The following FBLIM1 variants were observed in gnomAD, a reference collection of about 807,000 sequenced individuals.
FBLIM1 encodes the protein filamin-binding LIM protein 1.
FBLIM1 carries 29 observed loss-of-function variants against 37.4 expected under a neutral mutation model. The observed-to-expected ratio is 0.77, with a 90% CI of 0.58 to 1.06. FBLIM1 has a LOEUF of 1.06. Among genes scored for constraint, FBLIM1 ranks in the 50% least tolerant of loss-of-function variants. The probability of loss-of-function intolerance (pLI) is 0.00; values close to 1 mark genes in which losing one functional copy is unlikely to be tolerated. For synonymous variants in FBLIM1, 193 were observed against 199.0 expected, an observed-to-expected ratio of 0.97 and a Z score of 0.25; for missense variants, 449 against 505.6, an observed-to-expected ratio of 0.89 and a Z score of 1.07.
chr1:15,777,385 T>C, intron 8 of FBLIM1, 98 bp downstream of exon 8: 1 of 723,458 alleles, frequency 1.4e-6, no homozygotes, highest in Non-Finnish European at 2.3e-6. Context: ...GTGGGGGCTG[T>C]ACTCTCAAAT....
intron 4 of FBLIM1, 81 bp from the exon 5 acceptor site, chr1:15,768,447 C>A (rs560709465): frequency 7.4e-5 from 71 of 957,824 alleles, no homozygotes; most frequent in Non-Finnish European, 1.0e-4. Context: ...CTAATTGTAC[C>A]TGTTACCACC....
chr1:15,764,758 C>A, intron 2 of FBLIM1, 73 bp downstream of exon 2: 1 of 626,096 alleles, frequency 1.6e-6, no homozygotes, highest in Non-Finnish European at 2.7e-6. Flanking sequence ...GGGTCTCACC[C>A]CTGTGGCCAA....
rs2069042439 is a variant in FBLIM1 at position 15,768,588 on chromosome 1, C to T, written c.499C>T (p.Pro167Ser). The change falls in exon 5 of 9, where the codon CCA becomes TCA. Residue 167 changes from proline to serine, a missense_variant. Coordinates refer to ENST00000375766, the MANE Select transcript of FBLIM1 (RefSeq NM_017556.4). ...GPLRPMEEELPPPPAEPVEKG... is the reference protein window; with the variant it reads ...GPLRPMEEELSPPPAEPVEKG... ...CCTCAGGCCCATGGAGGAAGAGCTG[C>T]CACCTCCCCCGGCAGAACCTGTTGA... 6.2e-7 allele frequency: 1 copy of T among 1,612,100 alleles called. No individual in the cohort carries two copies. Among genetic ancestry groups the T allele is most frequent in the Non-Finnish European group, 8.5e-7 (1 of 1,179,562 alleles).
chr1:15,769,251 T>C (rs1424791609), intron 5 of FBLIM1, among the ~76,000 whole-genome samples: 2 of 151,500 alleles, frequency 1.3e-5, no homozygotes, highest in East Asian at 3.9e-4. Context: ...CTGAGGCAGG[T>C]GGATCACCTG....
intron 1 of FBLIM1, among the ~76,000 whole-genome samples, chr1:15,760,635 G>C (rs1350531453): frequency 6.6e-6 from 1 of 151,416 alleles, no homozygotes; most frequent in African/African-American, 2.4e-5. Flanking sequence ...GGAGGACTGT[G>C]GGGGTGACCC....
Position 15,765,054 on chromosome 1 carries a change from T to C in FBLIM1, c.71T>C (p.Val24Ala). Residue 24 changes from valine to alanine, a missense_variant, in exon 3 of 9, where the codon GTG becomes GCG. Transcript: ENST00000375766. This position sits in a 1 kb window ranked among gnomAD's most constrained non-coding sequence, Gnocchi z 5.9. The stretch of plus-strand genomic sequence containing the variant: ...ACCCTGGCACCCCCGCGCCGCGATG[T>C]GGCCGTGGCGGAGGAAGTGAGGCAG... ...FITLAPPRRD[V>A]AVAEEVRQAV... 2 of 1,614,088 alleles carry C rather than the reference T, an allele frequency of 1.2e-6. No homozygotes were observed. The highest frequency in any genetic ancestry group is 1.7e-6 in the Non-Finnish European group (2 of 1,179,986).
chr1:15,777,676 A>C (rs2069533693), intron 8 of FBLIM1, among the ~76,000 whole-genome samples: 1 of 150,058 alleles, frequency 6.7e-6, no homozygotes, highest in African/African-American at 2.5e-5. Context: ...AGGGTTCAGC[A>C]ATTCTCCTGC....
chr1:15,760,494 C>T (rs1414592651), intron 1 of FBLIM1, among the ~76,000 whole-genome samples: 3 of 142,754 alleles, frequency 2.1e-5, no homozygotes, highest in Non-Finnish European at 4.5e-5. Context: ...TGCGCCACTG[C>T]ACTCCAGCCT....
intron 8 of FBLIM1, 78 bp downstream of exon 8, chr1:15,777,365 A>G (rs1417789899): frequency 3.8e-6 from 4 of 1,052,332 alleles, no homozygotes; most frequent in Middle Eastern, 4.2e-4. Context: ...GGACATGGGG[A>G]CAGGTCAGGG....
At chr1:15,766,573 A>C (rs2068933827) in intron 3 of FBLIM1, among the ~76,000 whole-genome samples, 1 of 151,778 alleles carries the variant, frequency 6.6e-6, no homozygotes, top group Non-Finnish European at 1.5e-5. Flanking sequence ...CTGGGATTAC[A>C]GGCGTGAGCC....
At chr1:15,773,850 ATG>A (rs2148606379) in intron 6 of FBLIM1, among the ~76,000 whole-genome samples, 1 of 151,952 alleles carries the variant, frequency 6.6e-6, no homozygotes, top group South Asian at 2.1e-4. Context: ...ACTACCCAAA[ATG>A]TGTGAGGAAG....
At chr1:15,783,147 C>G (rs2069686210) in intron 8 of FBLIM1, among the ~76,000 whole-genome samples, 1 of 152,144 alleles carries the variant, frequency 6.6e-6, no homozygotes, top group Non-Finnish European at 1.5e-5. Context: ...GTGCCCAGAA[C>G]CAAGTCTCTG....
At position 15,784,913 on chromosome 1, in the gene FBLIM1, C is replaced by T. The variant is rs1018737633; in HGVS notation, c.*252C>T. ...CCAGAATTCCCTGCTGACCCTGCCC[C>T]ACTTCCAGGGAAAAGCTGGGGGAGG... On this transcript the variant is annotated 3_prime_UTR_variant, in exon 9 of 9. Coordinates refer to ENST00000375766, the MANE Select transcript of FBLIM1 (RefSeq NM_017556.4). 2.9e-5 allele frequency: 11 copies of T among 378,740 alleles called. No homozygotes were observed. The highest frequency in any genetic ancestry group is 2.0e-4 in the African/African-American group (10 of 49,962). 23.5% of individuals were successfully genotyped at this position (378,740 alleles called of 1,614,324 possible). A position where few individuals can be genotyped will look rare whatever the true frequency, so the allele number is the denominator to read the frequency against.
chr1:15,768,589 C>A lies in FBLIM1; in HGVS notation c.500C>A (p.Pro167Gln). ...GPLRPMEEEL[P>Q]PPPAEPVEKG... Reference sequence around the variant, plus strand: ...CTCAGGCCCATGGAGGAAGAGCTGCCACCTCCCCCGGCAGAACCTGTTGAG... The same window carrying A: ...CTCAGGCCCATGGAGGAAGAGCTGCAACCTCCCCCGGCAGAACCTGTTGAG... The change falls in exon 5 of 9, where the codon CCA becomes CAA. Residue 167 changes from proline to glutamine, a missense_variant. Transcript: ENST00000375766. The A allele has an allele frequency of 1.2e-6, 2 of 1,612,278 alleles. No individual in the cohort carries two copies. The highest frequency in any genetic ancestry group is 1.7e-6 in the Non-Finnish European group (2 of 1,179,606).
At chr1:15,783,287 G>A (rs978746481) in intron 8 of FBLIM1, among the ~76,000 whole-genome samples, 3 of 152,126 alleles carry the variant, frequency 2.0e-5, no homozygotes, top group Non-Finnish European at 4.4e-5. Context: ...TTGGTGATTT[G>A]AAAAATAGAA....
chr1:15,759,189 G>T (rs1226421927), intron 1 of FBLIM1, among the ~76,000 whole-genome samples: 1 of 152,162 alleles, frequency 6.6e-6, no homozygotes, highest in Non-Finnish European at 1.5e-5. Context: ...CACATGGATC[G>T]AATTAAAGCT....
In FBLIM1 at chr1:15,777,239, A is replaced by C. The variant is rs1031382129; in HGVS notation, c.960A>C (p.Lys320Asn). 1.1e-5 allele frequency: 17 copies of C among 1,613,360 alleles called. No individual in the cohort carries two copies. Among genetic ancestry groups the C allele is most frequent in the Non-Finnish European group, 1.4e-5 (17 of 1,179,540 alleles). ...IIPRDGKDAF[K>N]IECMGRNFHE... Reference sequence around the variant, plus strand: ...CTCGGGATGGGAAAGATGCCTTCAAAATCGAATGCATGGGAAGAAACTTCC... The same window carrying C: ...CTCGGGATGGGAAAGATGCCTTCAACATCGAATGCATGGGAAGAAACTTCC... Residue 320 changes from lysine (K) to asparagine (N), a missense_variant, in exon 8 of 9, where the codon AAA (lysine) becomes AAC (asparagine). Coordinates refer to ENST00000375766, the MANE Select transcript of FBLIM1 (RefSeq NM_017556.4).
intron 6 of FBLIM1, among the ~76,000 whole-genome samples, chr1:15,773,815 G>C (rs1047795566): frequency 1.3e-5 from 2 of 151,542 alleles, no homozygotes; most frequent in African/African-American, 4.8e-5. Context: ...AAAATAGAAA[G>C]TGAGACGAGA....
At chr1:15,773,500 G>C (rs2069325792) in intron 6 of FBLIM1, among the ~76,000 whole-genome samples, 1 of 151,380 alleles carries the variant, frequency 6.6e-6, no homozygotes, top group Non-Finnish European at 1.5e-5. Context: ...CCAACATGGA[G>C]AAACCCCGTC....
Sources: allele counts gnomAD v4.1 joint callset (sites outside exome capture counted in the v4.1 genomes callset), GRCh38; gene constraint gnomAD v4.1.1; non-coding constraint Gnocchi (gnomAD v3.1); transcripts MANE v1.5; gene names NCBI Gene and HGNC (gene_info 2026-07-23, HGNC 2026-07-21).